The following GLYAT variants were observed in gnomAD, a reference collection of about 807,000 sequenced individuals.
The protein encoded by GLYAT is glycine N-acyltransferase.
Under a neutral mutation model 22.8 loss-of-function variants are expected in GLYAT, and 25 were observed. That is an observed-to-expected ratio of 1.09 (90% CI 0.80 to 1.53). The LOEUF (loss-of-function observed/expected upper bound fraction) is 1.53, where lower values mean the gene tolerates loss of function less well. GLYAT is among the 40% of genes most tolerant of loss of function. The pLI is 0.00. For missense variants in GLYAT, 411 were observed against 353.9 expected, an observed-to-expected ratio of 1.16 and a Z score of -1.29; for synonymous variants, 140 against 122.7, an observed-to-expected ratio of 1.14 and a Z score of -0.93.
intron 1 of GLYAT, among the ~76,000 whole-genome samples, chr11:58,729,968 T>G (rs780813842): frequency 6.6e-6 from 1 of 152,114 alleles, no homozygotes; most frequent in Non-Finnish European, 1.5e-5. Flanking sequence ...AGGATGTACT[T>G]ACAAACTAAC....
At position 58,712,797 on chromosome 11, in the gene GLYAT, T is replaced by G; in HGVS notation, c.279A>C (p.Pro93=). Residue 93 remains proline, a synonymous_variant, in exon 4 of 6, where the codon CCA becomes CCC. Transcript: ENST00000344743. ...AATGCTGTTTCCAGTTGATGAGTTCTGGTGATCCAAGGAATTCCTGACAGT... is the reference window on the plus strand; with the variant it reads ...AATGCTGTTTCCAGTTGATGAGTTCGGGTGATCCAAGGAATTCCTGACAGT... ...PQNCQEFLGS[P]ELINWKQHLQ... The G allele has an allele frequency of 6.2e-7, 1 of 1,612,982 alleles. No homozygotes were observed. Among genetic ancestry groups the G allele is most frequent in the Non-Finnish European group, 8.5e-7 (1 of 1,179,016 alleles).
At chr11:58,712,939 C>A in intron 3 of GLYAT, 53 bp from the exon 4 acceptor site, 3 of 1,218,146 alleles carry the variant, frequency 2.5e-6, no homozygotes, top group Non-Finnish European at 3.5e-6. Context: ...TTTATGATTA[C>A]ATATAATTTT....
Position 58,724,515 on chromosome 11 carries a change from G to C in GLYAT, c.-15-4C>G, listed in dbSNP as rs1856791941. 1.3e-6 allele frequency: 2 copies of C among 1,501,300 alleles called. No individual in the cohort carries two copies. The highest frequency in any genetic ancestry group is 9.2e-7 in the Non-Finnish European group (1 of 1,085,544). 93.0% of individuals were successfully genotyped at this position (1,501,300 alleles called of 1,614,324 possible). On this transcript the variant is annotated splice_polypyrimidine_tract_variant and splice_region_variant and intron_variant, in intron 1 of 5. Transcript: ENST00000344743. The stretch of plus-strand genomic sequence containing the variant: ...ACATCATGGAGGATACCTTAGCCTA[G>C]AAAGACAACCAAGGAACATACAGGA...
chr11:58,713,670 C>T (rs1426389324), intron 3 of GLYAT, among the ~76,000 whole-genome samples: 1 of 151,990 alleles, frequency 6.6e-6, no homozygotes, highest in Non-Finnish European at 1.5e-5. Context: ...ATGACAGATA[C>T]AATTATTTAC....
chr11:58,728,864 AAG>A (rs1856837984), intron 1 of GLYAT: 1 of 97,336 alleles, frequency 1.0e-5, no homozygotes, highest in Admixed American at 1.1e-4. Flanking sequence ...GAAAGAAAGA[AAG>A]AAAGAAAGAA....
chr11:58,724,316 G>C (rs1362575940), intron 2 of GLYAT, 100 bp downstream of exon 2: 10 of 591,744 alleles, frequency 1.7e-5, no homozygotes, highest in Admixed American at 7.9e-5. Context: ...ATGAAATAGT[G>C]CCTGGCTCAA....
Position 58,715,305 on chromosome 11 carries a change from TG to T in GLYAT, c.189+10del. 8.1e-7 allele frequency: 1 copy of T among 1,233,216 alleles called. No homozygotes were observed. Among genetic ancestry groups the T allele is most frequent in the Non-Finnish European group, 1.2e-6 (1 of 834,892 alleles). 76.4% of individuals were successfully genotyped at this position (1,233,216 alleles called of 1,614,324 possible). The stretch of plus-strand genomic sequence containing the variant: ...ATAAATATAGAAGAATATTCACACA[TG>T]GAAACTTACCTGCTCCTGAGGGCAG... On this transcript the variant is annotated intron_variant, in intron 3 of 5. Transcript: ENST00000344743.
chr11:58,709,668 A>T lies in GLYAT; in HGVS notation c.*98T>A. 7.7e-7 allele frequency: 1 copy of T among 1,304,554 alleles called. No individual in the cohort carries two copies. The highest frequency in any genetic ancestry group is 1.1e-6 in the Non-Finnish European group (1 of 939,988). The allele number at this position is 1,304,554 out of a possible 1,614,324, so 80.8% of individuals were successfully genotyped here. A position where few individuals can be genotyped will look rare whatever the true frequency, so the allele number is the denominator to read the frequency against. Reference sequence around the variant, plus strand: ...GAGTCCAAACAGTGCCCACTCCTTTACTGCTGATTACAATTTATTATTTCT... The same window carrying T: ...GAGTCCAAACAGTGCCCACTCCTTTTCTGCTGATTACAATTTATTATTTCT... On this transcript the variant is annotated 3_prime_UTR_variant, in exon 6 of 6. Transcript: ENST00000344743.
At chr11:58,712,969 T>C in intron 3 of GLYAT, 83 bp from the exon 4 acceptor site, 1 of 841,664 alleles carries the variant, frequency 1.2e-6, no homozygotes, top group Non-Finnish European at 1.8e-6. Flanking sequence ...TATTTCTAAG[T>C]AATAAAATAT....
At chr11:58,713,987 A>T (rs1454739193) in intron 3 of GLYAT, among the ~76,000 whole-genome samples, 2 of 152,156 alleles carry the variant, frequency 1.3e-5, no homozygotes, top group East Asian at 3.8e-4. Flanking sequence ...TGGCTAAATC[A>T]GGGTAATTAG....
At chr11:58,724,649 G>C (rs1856793738) in intron 1 of GLYAT, 138 bp from the exon 2 acceptor site, 1 of 416,998 alleles carries the variant, frequency 2.4e-6, no homozygotes, top group South Asian at 9.6e-5. Flanking sequence ...AAATCCAAGA[G>C]AAAATGAGAC....
At chr11:58,722,632 C>A (rs544634311) in intron 2 of GLYAT, among the ~76,000 whole-genome samples, 1 of 152,176 alleles carries the variant, frequency 6.6e-6, no homozygotes, top group African/African-American at 2.4e-5. Context: ...ATCTTAGCAA[C>A]TTTGAATAAA....
chr11:58,718,868 C>T (rs537138975), intron 2 of GLYAT, among the ~76,000 whole-genome samples: 1 of 152,032 alleles, frequency 6.6e-6, no homozygotes, highest in African/African-American at 2.4e-5. Context: ...CTGTGGCACA[C>T]AATATGATTA....
chr11:58,714,075 C>G (rs1386419342), intron 3 of GLYAT, among the ~76,000 whole-genome samples: 1 of 152,020 alleles, frequency 6.6e-6, no homozygotes, highest in Non-Finnish European at 1.5e-5. Context: ...GCAGATACCT[C>G]ATGATCTCCT....
At chr11:58,721,683 G>T (rs1321817481) in intron 2 of GLYAT, among the ~76,000 whole-genome samples, 1 of 151,958 alleles carries the variant, frequency 6.6e-6, no homozygotes, top group African/African-American at 2.4e-5. Context: ...CCATATTTCA[G>T]TTAGGACCAA....
At position 58,709,660 on chromosome 11, in the gene GLYAT, A is replaced by G. The variant is rs566619415; in HGVS notation, c.*106T>C. 1.3e-5 allele frequency: 15 copies of G among 1,198,504 alleles called. No individual in the cohort carries two copies. The highest frequency in any genetic ancestry group is 1.8e-5 in the Non-Finnish European group (15 of 848,104). The allele number at this position is 1,198,504 out of a possible 1,614,324, so 74.2% of individuals were successfully genotyped here. A position where few individuals can be genotyped will look rare whatever the true frequency, so the allele number is the denominator to read the frequency against. On this transcript the variant is annotated 3_prime_UTR_variant, in exon 6 of 6. Coordinates refer to ENST00000344743, the MANE Select transcript of GLYAT (RefSeq NM_201648.3). ...CTTCCCCAGAGTCCAAACAGTGCCCACTCCTTTACTGCTGATTACAATTTA... is the reference window on the plus strand; with the variant it reads ...CTTCCCCAGAGTCCAAACAGTGCCCGCTCCTTTACTGCTGATTACAATTTA...
rs1406547359 is a variant in GLYAT, at chr11:58,709,326, AC to A, written c.*439del. 12 of 158,952 alleles carry A rather than the reference AC, an allele frequency of 7.5e-5. No homozygotes were observed. Among genetic ancestry groups the A allele is most frequent in the Admixed American group, 3.6e-4 (6 of 16,746 alleles). The allele number at this position is 158,952 out of a possible 1,614,324, so 9.8% of individuals were successfully genotyped here. A position where few individuals can be genotyped will look rare whatever the true frequency, so the allele number is the denominator to read the frequency against. Reference sequence around the variant, plus strand: ...TAACAGGAGAGGATAATCTCTAAAGACCTGCTGAGGAGAGTCCACTTGTTGA... The same window carrying A: ...TAACAGGAGAGGATAATCTCTAAAGACTGCTGAGGAGAGTCCACTTGTTGA... On this transcript the variant is annotated 3_prime_UTR_variant, in exon 6 of 6. Transcript: ENST00000344743.
intron 2 of GLYAT, among the ~76,000 whole-genome samples, chr11:58,721,572 C>T (rs770279384): frequency 1.5e-4 from 23 of 152,004 alleles, no homozygotes; most frequent in Non-Finnish European, 2.9e-4. Context: ...TACAAACATG[C>T]ACACATGAAC....
At chr11:58,721,490 A>T (rs1050424008) in intron 2 of GLYAT, among the ~76,000 whole-genome samples, 2 of 152,044 alleles carry the variant, frequency 1.3e-5, no homozygotes, top group Non-Finnish European at 2.9e-5. Flanking sequence ...AAACAAAAAA[A>T]CTTTTGCTCG....
Sources: gnomAD v4.1 joint callset for allele counts (sites outside exome capture counted in the v4.1 genomes callset) on GRCh38, gnomAD v4.1.1 for gene constraint, MANE v1.5 for transcripts, NCBI Gene and HGNC (gene_info 2026-07-23, HGNC 2026-07-21) for gene names.